Variants in SLC26A5 observed in about 807,000 individuals in gnomAD.
SLC26A5 encodes prestin.
Under a neutral mutation model 81.0 loss-of-function variants are expected in SLC26A5, and 51 were observed. That is an observed-to-expected ratio of 0.63 (90% CI 0.50 to 0.80). The LOEUF (loss-of-function observed/expected upper bound fraction) is 0.80. Ranked by LOEUF, SLC26A5 falls within the 30% of genes least tolerant of loss-of-function variation. The pLI is 0.00. For missense variants in SLC26A5, 771 were observed against 905.8 expected (o/e 0.85, Z 1.91); for synonymous variants, 325 against 332.8 (o/e 0.98, Z 0.25).
intron 7 of SLC26A5, among the ~76,000 whole-genome samples, chr7:103,408,458 C>T (rs1824233732): frequency 1.3e-5 from 2 of 152,276 alleles, no homozygotes; most frequent in Non-Finnish European, 1.5e-5. Flanking sequence ...AACTCCTGAC[C>T]TCAAGTCATC....
At chr7:103,383,502 G>A (rs1460389958) in intron 14 of SLC26A5, among the ~76,000 whole-genome samples, 1 of 152,228 alleles carries the variant, frequency 6.6e-6, no homozygotes, top group South Asian at 2.1e-4. Flanking sequence ...TGAAGGCCAA[G>A]TCCTTACTAC....
At chr7:103,365,931 A>T (rs2116262831) in intron 19 of SLC26A5, 2 of 664,872 alleles carry the variant, frequency 3.0e-6, no homozygotes, top group East Asian at 5.9e-5. Context: ...CCATCTCAAA[A>T]AAATAAAAAA....
chr7:103,384,212 C>T (rs1019104725), intron 14 of SLC26A5, among the ~76,000 whole-genome samples: 3 of 151,990 alleles, frequency 2.0e-5, no homozygotes, highest in African/African-American at 4.8e-5. Context: ...TCAAACTCCT[C>T]GCCTCAGCAA....
At chr7:103,384,449 A>C (rs1822032721) in intron 14 of SLC26A5, among the ~76,000 whole-genome samples, 1 of 151,972 alleles carries the variant, frequency 6.6e-6, no homozygotes, top group Non-Finnish European at 1.5e-5. Context: ...CATCTCTACA[A>C]AAAATACAAA....
chr7:103,372,633 T>C (rs1366043595), downstream of SLC26A5, among the ~76,000 whole-genome samples: 1 of 152,160 alleles, frequency 6.6e-6, no homozygotes, highest in Non-Finnish European at 1.5e-5. Context: ...AACACTGAGT[T>C]TGATGTATAA....
Position 103,378,496 on chromosome 7 carries a change from CG to C in SLC26A5, c.1734del (p.Tyr578Ter), listed in dbSNP as rs1353715116. On this transcript the variant is annotated frameshift_variant, in exon 17 of 20. Transcript: ENST00000306312. LOFTEE classifies it high-confidence loss of function. ...MGARRKAMRK[Y>X]AKEVGNANMA... ...ATATTTGCATTTCCGACTTCCTTAG[CG>C]TACTTCCGCATGGCCTTTCTCCTTG... 3 of 1,614,038 alleles carry C rather than the reference CG, an allele frequency of 1.9e-6. No homozygotes were observed. The highest frequency in any genetic ancestry group is 2.5e-6 in the Non-Finnish European group (3 of 1,180,012).
At chr7:103,362,742 C>T (rs1463144110) in intron 19 of SLC26A5, 4 of 1,594,258 alleles carry the variant, frequency 2.5e-6, no homozygotes, top group Non-Finnish European at 3.4e-6. Context: ...ATTGACCCAA[C>T]AGTTACCATG....
intron 2 of SLC26A5, among the ~76,000 whole-genome samples, chr7:103,435,644 C>T (rs1045777426): frequency 6.6e-6 from 1 of 152,196 alleles, no homozygotes; most frequent in African/African-American, 2.4e-5. Context: ...AGCCCTACTT[C>T]ACTATAACTA....
intron 19 of SLC26A5, among the ~76,000 whole-genome samples, chr7:103,357,348 G>A (rs1820096083): frequency 2.0e-5 from 3 of 149,772 alleles, no homozygotes; most frequent in Middle Eastern, 3.4e-3. Flanking sequence ...AAAAAGAAAA[G>A]AGTTAAACAG....
At chr7:103,370,732 A>G (rs1820986688), downstream of SLC26A5, among the ~76,000 whole-genome samples, 1 of 152,218 alleles carries the variant, frequency 6.6e-6, no homozygotes, top group East Asian at 1.9e-4. Flanking sequence ...TGTCTAAGAC[A>G]TAGATTGGAG....
At chr7:103,411,741 A>G (rs1221781958) in intron 5 of SLC26A5, among the ~76,000 whole-genome samples, 155 bp from the exon 6 acceptor site, 1 of 152,206 alleles carries the variant, frequency 6.6e-6, no homozygotes, top group Non-Finnish European at 1.5e-5. Flanking sequence ...TGTATGAGCA[A>G]CCGTGTGTGT....
intron 2 of SLC26A5, among the ~76,000 whole-genome samples, chr7:103,430,845 T>C (rs1438275408): frequency 1.3e-5 from 2 of 152,246 alleles, no homozygotes; most frequent in African/African-American, 4.8e-5. Flanking sequence ...TTTGCAGCCA[T>C]GGGCTCTTGT....
chr7:103,353,838 CAGAAAA>C (rs1819869528), intron 19 of SLC26A5: 2 of 1,182,602 alleles, frequency 1.7e-6, no homozygotes. Flanking sequence ...TTGAATCGAA[CAGAAAA>C]AAAGCTCTAG....
At chr7:103,368,987 A>AC (rs1469929849) in intron 19 of SLC26A5, 1 of 152,180 alleles carries the variant, frequency 6.6e-6, no homozygotes, top group East Asian at 1.9e-4. Context: ...TACCACAATT[A>AC]CCCCTTCCCC....
chr7:103,410,541 T>G lies in SLC26A5; in HGVS notation c.579A>C (p.Leu193=). 1 of 1,611,904 alleles carries G rather than the reference T, an allele frequency of 6.2e-7. No homozygotes were observed. The highest frequency in any genetic ancestry group is 8.5e-7 in the Non-Finnish European group (1 of 1,178,844). The change falls in exon 7 of 20, where the codon CTA becomes CTC. Residue 193 remains leucine (L), a synonymous_variant. Transcript: ENST00000306312. ...TLLSGIIQFC[L]GVCRFGFVAI... Reference sequence around the variant, plus strand: ...CCACAAATCCAAACCTACAGACACCTAGGCAAAACTATTTTTTTTTAATGA... The same window carrying G: ...CCACAAATCCAAACCTACAGACACCGAGGCAAAACTATTTTTTTTTAATGA...
At chr7:103,362,625 A>AAAAG in intron 19 of SLC26A5, 1 of 1,507,384 alleles carries the variant, frequency 6.6e-7, no homozygotes, top group Admixed American at 1.7e-5. Flanking sequence ...AAAGGACTAA[A>AAAAG]CATAAAAGCA....
chr7:103,361,992 C>A, intron 19 of SLC26A5: 2 of 1,613,618 alleles, frequency 1.2e-6, no homozygotes, highest in Non-Finnish European at 1.7e-6. Context: ...TCGGAGGACC[C>A]AAAATACATT....
At chr7:103,407,758 A>C (rs1824169133) in intron 8 of SLC26A5, 93 bp downstream of exon 8, 2 of 1,450,418 alleles carry the variant, frequency 1.4e-6, no homozygotes, top group Non-Finnish European at 1.9e-6. Context: ...AATTGAGAGC[A>C]AAAAATTCCT....
intron 14 of SLC26A5, among the ~76,000 whole-genome samples, chr7:103,383,825 C>T (rs1821978233): frequency 6.6e-6 from 1 of 151,994 alleles, no homozygotes; most frequent in Non-Finnish European, 1.5e-5. Context: ...TAGGGGTGCA[C>T]CACTACACCT....
Sources: gnomAD v4.1 joint callset for allele counts (sites outside exome capture counted in the v4.1 genomes callset) on GRCh38, gnomAD v4.1.1 for gene constraint, MANE v1.5 for transcripts, NCBI Gene and HGNC (gene_info 2026-07-23, HGNC 2026-07-21) for gene names.